The following SSC4D variants were observed in gnomAD, a reference collection of about 807,000 sequenced individuals.
SSC4D encodes the protein scavenger receptor cysteine-rich domain-containing group B protein.
SSC4D carries 57 observed loss-of-function variants against 63.4 expected under a neutral mutation model. The observed-to-expected ratio is 0.90, with a 90% CI of 0.73 to 1.12. The LOEUF is 1.12. Among genes scored for constraint, SSC4D ranks in the 50% most tolerant of loss-of-function variants. SSC4D has a pLI of 0.00. For synonymous variants in SSC4D, 352 were observed against 345.4 expected (o/e 1.02, Z -0.21); for missense variants, 791 against 806.4 (o/e 0.98, Z 0.23).
rs2115744262 is a variant in SSC4D at position 76,393,558 on chromosome 7, TAGCGCCCAGCGCAGGCCCGC to T, written c.1160_1179del (p.Cys387TyrfsTer66). The stretch of plus-strand genomic sequence containing the variant: ...CCGTAGCCGAAGTGGCCCAGTCCCG[TAGCGCCCAGCGCAGGCCCGC>T]AGCCCGCTTCGCGGCAGGCCACGCG... On this transcript the variant is annotated frameshift_variant, in exon 9 of 11. Coordinates refer to ENST00000275560, the MANE Select transcript of SSC4D (RefSeq NM_080744.2). LOFTEE classifies it high-confidence loss of function. The T allele has an allele frequency of 6.6e-7, 1 of 1,519,282 alleles. No individual in the cohort carries two copies. The highest frequency in any genetic ancestry group is 2.6e-5 in the East Asian group (1 of 38,850). The allele number at this position is 1,519,282 out of a possible 1,614,324, so 94.1% of individuals were successfully genotyped here.
intron 10 of SSC4D, among the ~76,000 whole-genome samples, chr7:76,391,421 T>C (rs1804491329): frequency 6.6e-6 from 1 of 152,092 alleles, no homozygotes; most frequent in African/African-American, 2.4e-5. Context: ...CAAGACTCTA[T>C]CTCAAAAAAA....
intron 2 of SSC4D, 68 bp from the exon 3 acceptor site, chr7:76,401,111 AC>A (rs1228025540): frequency 4.1e-6 from 6 of 1,469,482 alleles, no homozygotes; most frequent in Admixed American, 2.4e-5. Flanking sequence ...CCAGGAACAC[AC>A]CCCCCAACTC....
intron 1 of SSC4D, among the ~76,000 whole-genome samples, chr7:76,405,354 T>TC (rs1307650853): frequency 7.9e-5 from 9 of 113,852 alleles, no homozygotes; most frequent in South Asian, 6.2e-4. Context: ...TTTTTTTTTT[T>TC]TTTTTTTGGT....
rs1804548180 is a variant in SSC4D at position 76,393,462 on chromosome 7, G to A, written c.1276C>T (p.Leu426=). The A allele has an allele frequency of 1.3e-6, 2 of 1,537,482 alleles. No homozygotes were observed. Among genetic ancestry groups the A allele is most frequent in the Non-Finnish European group, 1.7e-6 (2 of 1,150,610 alleles). ...CCGCAGTTGTGCTGGCCCCAGCCCA[G>A]GTGGAAGCAGTCGCTCAGGCGAGCC... is the stretch of plus-strand genomic sequence containing the variant. The part of the protein sequence containing the change: ...TEARLSDCFH[L]GWGQHNCGHH... The change falls in exon 9 of 11, where the codon CTG becomes TTG. Residue 426 remains leucine, a synonymous_variant. Coordinates refer to ENST00000275560, the MANE Select transcript of SSC4D (RefSeq NM_080744.2).
intron 1 of SSC4D, among the ~76,000 whole-genome samples, chr7:76,408,851 C>G (rs1805132001): frequency 6.6e-6 from 1 of 152,150 alleles, no homozygotes; most frequent in East Asian, 1.9e-4. Flanking sequence ...CCATCTGTTG[C>G]CTACATTTTC....
At chr7:76,394,960 C>T (rs1366896218) in intron 7 of SSC4D, among the ~76,000 whole-genome samples, 1 of 149,394 alleles carries the variant, frequency 6.7e-6, no homozygotes, top group Non-Finnish European at 1.5e-5. Flanking sequence ...CTGCCTGTTT[C>T]CCAAAGTGCT....
chr7:76,404,464 T>C lies in SSC4D; in HGVS notation c.-25A>G. 1 of 1,613,906 alleles carries C rather than the reference T, an allele frequency of 6.2e-7. No individual in the cohort carries two copies. Among genetic ancestry groups the C allele is most frequent in the Non-Finnish European group, 8.5e-7 (1 of 1,179,996 alleles). On this transcript the variant is annotated 5_prime_UTR_variant, in exon 2 of 11. Transcript: ENST00000275560. ...TCTAGATGGTGAAGGGTGTTTCAGATGCTCCCATCAAGGCGCCAGGGAGAA... is the reference window on the plus strand; with the variant it reads ...TCTAGATGGTGAAGGGTGTTTCAGACGCTCCCATCAAGGCGCCAGGGAGAA...
chr7:76,391,999 T>A lies in SSC4D; in HGVS notation c.1376A>T (p.Glu459Val). 6.3e-7 allele frequency: 1 copy of A among 1,592,268 alleles called. No homozygotes were observed. Among genetic ancestry groups the A allele is most frequent in the Admixed American group, 1.8e-5 (1 of 56,566 alleles). Reference protein sequence around the residue: ...LGLQVQQDGSETTRVPTPRPR... With the variant: ...LGLQVQQDGSVTTRVPTPRPR... ...CCGAGGAGTGGGCACCCGCGTGGTC[T>A]CAGAACCATCCTGCTGGACTTGCAG... Residue 459 changes from glutamate to valine, a missense_variant, in exon 10 of 11, where the codon GAG becomes GTG. By Grantham distance (121) the Glu-to-Val change is moderately radical (BLOSUM62 -2). Coordinates refer to ENST00000275560, the MANE Select transcript of SSC4D (RefSeq NM_080744.2).
chr7:76,407,865 A>C (rs1380618589), intron 1 of SSC4D, among the ~76,000 whole-genome samples: 3 of 152,172 alleles, frequency 2.0e-5, no homozygotes, highest in Non-Finnish European at 4.4e-5. Flanking sequence ...GGTCTGATGC[A>C]TTGTGTGCAC....
intron 9 of SSC4D, among the ~76,000 whole-genome samples, chr7:76,392,509 A>G (rs560643975): frequency 4.6e-4 from 69 of 151,502 alleles, no homozygotes; most frequent in African/African-American, 1.6e-3. Context: ...ACTGCACTTC[A>G]GCCTGGGTGA....
chr7:76,400,996 T>C lies in SSC4D; in HGVS notation c.169+12A>G. 6.5e-7 allele frequency: 1 copy of C among 1,550,338 alleles called. No homozygotes were observed. Among genetic ancestry groups the C allele is most frequent in the Non-Finnish European group, 8.7e-7 (1 of 1,146,504 alleles). ...CAGGTGAGGGTGAGGAAGGGCGGGGTGGGGCACCTACCTTGAAAGGGCAGT... is the reference window on the plus strand; with the variant it reads ...CAGGTGAGGGTGAGGAAGGGCGGGGCGGGGCACCTACCTTGAAAGGGCAGT... On this transcript the variant is annotated intron_variant, in intron 3 of 10. Coordinates refer to ENST00000275560, the MANE Select transcript of SSC4D (RefSeq NM_080744.2).
chr7:76,397,628 A>G lies in SSC4D; in HGVS notation c.758T>C (p.Leu253Pro). ...GCCGCCTTCGCAGTGCACGTTGTCCAGCAGGATGTGTCCGGTGCCATAGCC... is the reference window on the plus strand; with the variant it reads ...GCCGCCTTCGCAGTGCACGTTGTCCGGCAGGATGTGTCCGGTGCCATAGCC... ...FFGYGTGHIL[L>P]DNVHCEGGEP... The change falls in exon 6 of 11, where the codon CTG (leucine) becomes CCG (proline). Residue 253 changes from leucine to proline, a missense_variant. Physicochemically the swap from Leu to Pro is moderately conservative, Grantham distance 98 (BLOSUM62 -3). Coordinates refer to ENST00000275560, the MANE Select transcript of SSC4D (RefSeq NM_080744.2). 1 of 1,613,516 alleles carries G rather than the reference A, an allele frequency of 6.2e-7. No homozygotes were observed.
In SSC4D at chr7:76,393,414, G is replaced by A. The variant is rs142875026; in HGVS notation, c.1324C>T (p.Leu442Phe). The part of the protein sequence containing the change: ...NCGHHEDAGA[L>F]CAGPEELGLQ... ...TCGCTGTCAGCCTCACCTGCGCAGA[G>A]CGCTCCCGCGTCCTCGTGGTGGCCG... Residue 442 changes from leucine (L) to phenylalanine (F), a missense_variant, in exon 9 of 11, where the codon CTC (leucine) becomes TTC (phenylalanine). Leu to Phe is a conservative substitution (Grantham distance 22, BLOSUM62 0). Transcript: ENST00000275560. 4,613 of 1,477,462 alleles carry A rather than the reference G, an allele frequency of 3.1e-3. 48 individuals carry two copies. Among genetic ancestry groups the A allele is most frequent in the South Asian group, 0.02 (1,536 of 75,586 alleles). 91.5% of individuals were successfully genotyped at this position (1,477,462 alleles called of 1,614,324 possible).
chr7:76,397,339 C>G (rs1392367216), intron 6 of SSC4D, among the ~76,000 whole-genome samples, 179 bp downstream of exon 6: 1 of 152,236 alleles, frequency 6.6e-6, no homozygotes, highest in Non-Finnish European at 1.5e-5. Flanking sequence ...TTCGGAGGCA[C>G]TTCTAGAACA....
At chr7:76,397,280 G>A (rs1461829477) in intron 6 of SSC4D, among the ~76,000 whole-genome samples, 1 of 152,160 alleles carries the variant, frequency 6.6e-6, no homozygotes, top group African/African-American at 2.4e-5. Flanking sequence ...CTGGATTAGT[G>A]CAATATTGTT....
chr7:76,390,362 C>T lies in SSC4D; in HGVS notation c.1425G>A (p.Leu475=). ...TPRPRDGHLR[L]VNGAHRCEGR... ...CCTCGCATCGGTGGGCTCCATTGACCAGACGTAGATGCCCTGTGGGGGGAC... is the reference window on the plus strand; with the variant it reads ...CCTCGCATCGGTGGGCTCCATTGACTAGACGTAGATGCCCTGTGGGGGGAC... Residue 475 remains leucine, a synonymous_variant, in exon 11 of 11, where the codon CTG becomes CTA. Transcript: ENST00000275560. 1 of 1,590,556 alleles carries T rather than the reference C, an allele frequency of 6.3e-7. No individual in the cohort carries two copies. Among genetic ancestry groups the T allele is most frequent in the East Asian group, 2.2e-5 (1 of 44,666 alleles).
chr7:76,405,271 T>C (rs1441677990), intron 1 of SSC4D, among the ~76,000 whole-genome samples: 2 of 9,130 alleles, frequency 2.2e-4, no homozygotes, highest in African/African-American at 5.0e-4. Flanking sequence ...ACCCAGCTAA[T>C]TATATATATA....
intron 2 of SSC4D, among the ~76,000 whole-genome samples, chr7:76,403,292 C>T (rs1253894980): frequency 6.6e-6 from 1 of 152,108 alleles, no homozygotes; most frequent in Non-Finnish European, 1.5e-5. Context: ...TAACCACCCC[C>T]TGCAGCCTGT....
chr7:76,393,312 C>T (rs559267318), intron 9 of SSC4D, 93 bp downstream of exon 9: 4 of 1,240,032 alleles, frequency 3.2e-6, no homozygotes, highest in Admixed American at 4.3e-5. Context: ...GCGGCAGTGC[C>T]GCAAGAGAGG....
Sources: allele counts gnomAD v4.1 joint callset (sites outside exome capture counted in the v4.1 genomes callset), GRCh38; gene constraint gnomAD v4.1.1; transcripts MANE v1.5; gene names NCBI Gene and HGNC (gene_info 2026-07-23, HGNC 2026-07-21).